ZNF410: variants seen among roughly 807,000 people sequenced by gnomAD.
ZNF410 encodes the protein zinc finger protein 410.
A neutral mutation model predicts 54.8 loss-of-function variants in ZNF410; 18 were observed. The observed-to-expected ratio is 0.33, with a 90% confidence interval of 0.23 to 0.49. ZNF410 has a LOEUF of 0.49. ZNF410 is among the 20% of genes least tolerant of loss of function. The pLI is 0.99. For synonymous variants in ZNF410, 191 were observed against 207.3 expected (o/e 0.92, Z 0.68); for missense variants, 405 against 569.6 (o/e 0.71, Z 2.94).
rs370051318 is a variant in ZNF410, at chr14:73,903,758, C to A, written c.581-202C>A. The A allele has an allele frequency of 1.2e-5, 8 of 649,994 alleles. No individual in the cohort carries two copies. In the South Asian group the frequency reaches 1.4e-4, roughly 11 times the overall value. 40.3% of individuals were successfully genotyped at this position (649,994 alleles called of 1,614,324 possible). ...TCAAGCAGTCCTCCCACCTTGGCTT[C>A]CCAAAGTGCTTGGGATTATAGGTGT... On this transcript the variant is annotated intron_variant, in intron 5 of 11. Coordinates refer to ENST00000555044, the MANE Select transcript of ZNF410 (RefSeq NM_021188.3).
intron 11 of ZNF410, chr14:73,927,914 T>C (rs753370908): frequency 1.2e-5 from 2 of 163,698 alleles, no homozygotes; most frequent in South Asian, 2.3e-4. Context: ...CTCGGCCCAC[T>C]GCAACCTCTA....
intron 5 of ZNF410, among the ~76,000 whole-genome samples, chr14:73,899,985 C>T (rs887307147): frequency 6.6e-6 from 1 of 152,040 alleles, no homozygotes; most frequent in Non-Finnish European, 1.5e-5. Context: ...CATCTGAGGT[C>T]AGGAATTCGA....
intron 3 of ZNF410, among the ~76,000 whole-genome samples, chr14:73,894,642 G>T (rs1282478460): frequency 6.6e-6 from 1 of 152,042 alleles, no homozygotes; most frequent in Non-Finnish European, 1.5e-5. Context: ...GGCCAGGCTG[G>T]TCTTGAACTC....
In ZNF410 at chr14:73,898,140, T is replaced by C. The variant is rs1175398761; in HGVS notation, c.458T>C (p.Leu153Pro). The part of the protein sequence containing the change: ...DEAEDSGNDF[L>P]SSESTDSSIP... ...GCAGAAGATTCAGGGAATGATTTCC[T>C]CTCCAGTGAGAGCACAGACAGTAGC... Residue 153 changes from leucine (L) to proline (P), a missense_variant, in exon 5 of 12, where the codon CTC becomes CCC. Leu to Pro is a moderately conservative substitution (Grantham distance 98). Coordinates refer to ENST00000555044, the MANE Select transcript of ZNF410 (RefSeq NM_021188.3). 3 of 1,614,160 alleles carry C rather than the reference T, an allele frequency of 1.9e-6. No individual in the cohort carries two copies. In the East Asian group the frequency reaches 6.7e-5, roughly 36 times the overall value.
intron 5 of ZNF410, among the ~76,000 whole-genome samples, chr14:73,903,098 T>C (rs72723758): frequency 0.026 from 4,006 of 152,316 alleles, 74 homozygotes; most frequent in Non-Finnish European, 0.039. Flanking sequence ...TGAACCAGAA[T>C]GACTACTTCT....
chr14:73,922,213 C>T lies in ZNF410; in HGVS notation c.1270+7C>T, dbSNP rs756258066. 5.0e-6 allele frequency: 8 copies of T among 1,612,028 alleles called. No individual in the cohort carries two copies. In the Admixed American group the frequency reaches 1.0e-4, roughly 20 times the overall value. The stretch of plus-strand genomic sequence containing the variant: ...ATCCTGGGAGTTGATGATGGTAAGA[C>T]TTCCAACTCTCCTTTATTTGGGAAA... On this transcript the variant is annotated splice_region_variant and intron_variant, in intron 10 of 11. Coordinates refer to ENST00000555044, the MANE Select transcript of ZNF410 (RefSeq NM_021188.3).
Position 73,932,104 on chromosome 14 carries a change from C to A in ZNF410, c.*563C>A. On this transcript the variant is annotated 3_prime_UTR_variant, in exon 12 of 12. Coordinates refer to ENST00000555044, the MANE Select transcript of ZNF410 (RefSeq NM_021188.3). Reference sequence around the variant, plus strand: ...AAATTACTTGAATCTCCCCTTGGCCCAGGCTGAGGTACTATCTTGTCCTAT... The same window carrying A: ...AAATTACTTGAATCTCCCCTTGGCCAAGGCTGAGGTACTATCTTGTCCTAT... 2.2e-6 allele frequency: 1 copy of A among 449,552 alleles called. No individual in the cohort carries two copies. The highest frequency in any genetic ancestry group is 1.6e-5 in the South Asian group (1 of 63,846). 27.8% of individuals were successfully genotyped at this position (449,552 alleles called of 1,614,324 possible).
intron 8 of ZNF410, among the ~76,000 whole-genome samples, chr14:73,910,808 G>A (rs1407009650): frequency 7.1e-6 from 1 of 140,530 alleles, no homozygotes; most frequent in African/African-American, 2.9e-5. Flanking sequence ...GCTGCAGTGA[G>A]TTGTGATTGC....
At chr14:73,893,645 G>C in intron 2 of ZNF410, 152 bp from the exon 3 acceptor site, 1 of 877,668 alleles carries the variant, frequency 1.1e-6, no homozygotes, top group Non-Finnish European at 1.6e-6. Flanking sequence ...CAGAGAACTT[G>C]ATAAAATAAC....
At chr14:73,909,989 T>TTGGAG (rs1418921048) in intron 8 of ZNF410, among the ~76,000 whole-genome samples, 1 of 152,194 alleles carries the variant, frequency 6.6e-6, no homozygotes, top group Non-Finnish European at 1.5e-5. Context: ...TTAAATTAAT[T>TTGGAG]CCCTGCAATT....
chr14:73,919,819 G>T (rs2055727459), intron 8 of ZNF410, among the ~76,000 whole-genome samples: 1 of 149,324 alleles, frequency 6.7e-6, no homozygotes, highest in Admixed American at 6.7e-5. Flanking sequence ...TGGGATTGCT[G>T]GTTCAAATGG....
At chr14:73,907,148 C>T (rs1010716037) in intron 7 of ZNF410, among the ~76,000 whole-genome samples, 1 of 152,128 alleles carries the variant, frequency 6.6e-6, no homozygotes, top group Non-Finnish European at 1.5e-5. Flanking sequence ...AAGTAACTTG[C>T]CCAACATCAT....
intron 8 of ZNF410, among the ~76,000 whole-genome samples, chr14:73,919,144 T>C (rs2055717824): frequency 6.6e-6 from 1 of 150,430 alleles, no homozygotes; most frequent in Admixed American, 6.7e-5. Flanking sequence ...CAGCTGGGAT[T>C]ATATGCGCCC....
Sources: gnomAD v4.1 joint callset for allele counts (sites outside exome capture counted in the v4.1 genomes callset) on GRCh38, gnomAD v4.1.1 for gene constraint, MANE v1.5 for transcripts, NCBI Gene and HGNC (gene_info 2026-07-23, HGNC 2026-07-21) for gene names.